The following FARS2 variants were observed in gnomAD, a reference collection of about 807,000 sequenced individuals.
The protein encoded by FARS2 is phenylalanine--tRNA ligase, mitochondrial.
Under a neutral mutation model 46.4 loss-of-function variants are expected in FARS2, and 40 were observed. The ratio of observed to expected loss-of-function variants is 0.86; its 90% CI spans 0.67 to 1.12. The LOEUF (loss-of-function observed/expected upper bound fraction) is 1.12, where lower values mean the gene tolerates loss of function less well. Ranked by LOEUF, FARS2 falls within the 50% of genes most tolerant of loss-of-function variation. The pLI is 0.00. For synonymous variants in FARS2, 234 were observed against 214.9 expected, an observed-to-expected ratio of 1.09 and a Z score of -0.78; for missense variants, 513 against 567.9, an observed-to-expected ratio of 0.90 and a Z score of 0.98.
At chr6:5,684,003 C>A (rs1779167020) in intron 6 of FARS2, among the ~76,000 whole-genome samples, 2 of 152,098 alleles carry the variant, frequency 1.3e-5, no homozygotes, top group African/African-American at 2.4e-5. Flanking sequence ...GCCACATTTT[C>A]TTTTTCCAGT....
At chr6:5,315,113 GTTCT>G (rs529063834) in intron 1 of FARS2, among the ~76,000 whole-genome samples, 74 of 152,296 alleles carry the variant, frequency 4.9e-4, no homozygotes, top group Admixed American at 1.2e-3. Flanking sequence ...AGTTTTCTAT[GTTCT>G]TTAAGTGACT....
chr6:5,350,113 G>A (rs1329616058), intron 1 of FARS2, among the ~76,000 whole-genome samples: 4 of 150,406 alleles, frequency 2.7e-5, no homozygotes, highest in East Asian at 2.0e-4. Context: ...AGGTTTGTTC[G>A]TTCGTTCTTT....
chr6:5,457,729 G>T (rs929003391), intron 4 of FARS2, among the ~76,000 whole-genome samples: 4 of 152,090 alleles, frequency 2.6e-5, no homozygotes, highest in Non-Finnish European at 5.9e-5. Context: ...TAAACATAGG[G>T]TTTTTATTTC....
chr6:5,368,829 T>C lies in FARS2; in HGVS notation c.259T>C (p.Trp87Arg). The C allele has an allele frequency of 6.2e-7, 1 of 1,614,122 alleles. No homozygotes were observed. ...NLHNQQHHPL[W>R]LIKERVKEHF... ...GCACAACCAGCAGCATCACCCTCTG[T>C]GGCTGATCAAGGAGAGGGTGAAGGA... is the stretch of plus-strand genomic sequence containing the variant. The change falls in exon 2 of 7, where the codon TGG (tryptophan) becomes CGG (arginine). Residue 87 changes from tryptophan to arginine, a missense_variant. By Grantham distance (101) the Trp-to-Arg change is moderately radical (BLOSUM62 -3). Transcript: ENST00000274680.
rs1337009224 is a variant in FARS2 at position 5,539,435 on chromosome 6, T to C, written c.905-5745T>C. Among the ~76,000 whole-genome samples the C allele has an allele frequency of 1.4e-5, 2 of 147,480 alleles. 1 individual carries two copies. Among genetic ancestry groups the C allele is most frequent in the African/African-American group, 5.2e-5 (2 of 38,762 alleles). On this transcript the variant is annotated intron_variant, in intron 4 of 6. Coordinates refer to ENST00000274680, the MANE Select transcript of FARS2 (RefSeq NM_006567.5). ...TTTTAGTAGAGACGGGGTTTCACCA[T>C]GTTAGCCAGGATGGTTTCAATCTCC...
chr6:5,708,449 A>T (rs1758902803), intron 6 of FARS2, among the ~76,000 whole-genome samples: 1 of 152,150 alleles, frequency 6.6e-6, no homozygotes, highest in African/African-American at 2.4e-5. Flanking sequence ...AGGCTGTGGG[A>T]GTCCACAGCT....
intron 6 of FARS2, among the ~76,000 whole-genome samples, chr6:5,640,102 C>T (rs1457604875): frequency 6.6e-6 from 1 of 151,808 alleles, no homozygotes; most frequent in Admixed American, 6.6e-5. Context: ...TGTTTCAAGT[C>T]CCTTTTTCCT....
In FARS2 at chr6:5,764,854, C is replaced by T. The variant is rs1334096239; in HGVS notation, c.1218-6437C>T. On this transcript the variant is annotated intron_variant, in intron 6 of 6. Coordinates refer to ENST00000274680, the MANE Select transcript of FARS2 (RefSeq NM_006567.5). This position sits in a 1 kb window ranked among gnomAD's most constrained non-coding sequence, Gnocchi z 4.1. ...TTCCAACCCTCGCTAACACTCTGACCCCTTGTGCCAGCTTTCCAATAAGGC... is the reference window on the plus strand; with the variant it reads ...TTCCAACCCTCGCTAACACTCTGACTCCTTGTGCCAGCTTTCCAATAAGGC... Among the ~76,000 whole-genome samples, 1 of 152,144 alleles carries T rather than the reference C, an allele frequency of 6.6e-6. No homozygotes were observed. Among genetic ancestry groups the T allele is most frequent in the African/African-American group, 2.4e-5 (1 of 41,414 alleles).
chr6:5,718,949 G>A (rs1361138768), intron 6 of FARS2, among the ~76,000 whole-genome samples: 1 of 152,046 alleles, frequency 6.6e-6, no homozygotes, highest in Non-Finnish European at 1.5e-5. Flanking sequence ...GGAAGATGGC[G>A]GGAATGTTTC....
intron 6 of FARS2, among the ~76,000 whole-genome samples, chr6:5,621,936 A>ACT (rs1775796787): frequency 6.6e-6 from 1 of 152,188 alleles, no homozygotes; most frequent in Non-Finnish European, 1.5e-5. Flanking sequence ...TCCCCACCAT[A>ACT]CACACATTAA....
At position 5,304,653 on chromosome 6, in the gene FARS2, G is replaced by T. The variant is rs377263235; in HGVS notation, c.-22+42993G>T. 5.3e-5 allele frequency among the ~76,000 whole-genome samples: 8 copies of T among 151,766 alleles called. No homozygotes were observed. In the East Asian group the frequency reaches 9.6e-4, roughly 18 times the overall value. ...TGTGTTTATGTTTGTGTTTGTGTTT[G>T]TGTGTGTAAAAAACTTGTTGGCGCG... is the stretch of plus-strand genomic sequence containing the variant. On this transcript the variant is annotated intron_variant, in intron 1 of 6. Transcript: ENST00000274680.
intron 4 of FARS2, among the ~76,000 whole-genome samples, chr6:5,463,026 C>T (rs1251327261): frequency 6.6e-6 from 1 of 152,158 alleles, no homozygotes; most frequent in Non-Finnish European, 1.5e-5. Flanking sequence ...CTATTCAACT[C>T]GGCTATTGTG....
intron 6 of FARS2, among the ~76,000 whole-genome samples, chr6:5,734,105 G>A (rs989282897): frequency 7.9e-5 from 12 of 152,164 alleles, no homozygotes; most frequent in Admixed American, 5.9e-4. Flanking sequence ...GGACAATGCC[G>A]TCCCTTCTTG....
At chr6:5,636,024 A>G (rs1029808005) in intron 6 of FARS2, among the ~76,000 whole-genome samples, 1 of 152,208 alleles carries the variant, frequency 6.6e-6, no homozygotes, top group Non-Finnish European at 1.5e-5. Flanking sequence ...TTAGAATAGC[A>G]CCGCTATACT....
At chr6:5,741,604 A>G (rs963676437) in intron 6 of FARS2, among the ~76,000 whole-genome samples, 3 of 152,186 alleles carry the variant, frequency 2.0e-5, no homozygotes, top group Admixed American at 2.0e-4. Flanking sequence ...AGGCTTGCAC[A>G]ACAGCCTCCT....
intron 1 of FARS2, among the ~76,000 whole-genome samples, chr6:5,349,753 C>A (rs1291837983): frequency 6.6e-6 from 1 of 152,146 alleles, no homozygotes; most frequent in Non-Finnish European, 1.5e-5. Flanking sequence ...CGGGCTGTGA[C>A]TGTTTCTTAT....
At chr6:5,478,865 A>G (rs1766279909) in intron 4 of FARS2, among the ~76,000 whole-genome samples, 1 of 152,174 alleles carries the variant, frequency 6.6e-6, no homozygotes, top group Admixed American at 6.5e-5. Flanking sequence ...CTCTGAGCCA[A>G]GGAGAGAGTG....
chr6:5,285,150 C>T (rs1767017632), intron 1 of FARS2, among the ~76,000 whole-genome samples: 1 of 152,104 alleles, frequency 6.6e-6, no homozygotes, highest in African/African-American at 2.4e-5. Flanking sequence ...AAGAAAAGGC[C>T]ACAGGTTGGA....
At chr6:5,263,018 A>G (rs1221230604) in intron 1 of FARS2, among the ~76,000 whole-genome samples, 1 of 152,236 alleles carries the variant, frequency 6.6e-6, no homozygotes, top group African/African-American at 2.4e-5. Flanking sequence ...GATATGCGGC[A>G]CCTCAAAGCT....
Sources: gnomAD v4.1 joint callset for allele counts (sites outside exome capture counted in the v4.1 genomes callset) on GRCh38, gnomAD v4.1.1 for gene constraint, Gnocchi (gnomAD v3.1) non-coding constraint, MANE v1.5 for transcripts, NCBI Gene and HGNC (gene_info 2026-07-23, HGNC 2026-07-21) for gene names.